Variants in SULF2 observed in about 807,000 individuals in gnomAD.
The protein encoded by SULF2 is sulfatase 2.
SULF2 carries 52 observed loss-of-function variants against 107.7 expected under a neutral mutation model. That is an observed-to-expected ratio of 0.48 (90% confidence interval 0.39 to 0.61). The LOEUF is 0.61. Among genes scored for constraint, SULF2 ranks in the 20% least tolerant of loss-of-function variants. The pLI is 0.00. For synonymous variants in SULF2, 460 were observed against 464.3 expected (o/e 0.99, Z 0.12); for missense variants, 993 against 1,177.3 (o/e 0.84, Z 2.29).
chr20:47,780,968 C>T (rs1294478454), intron 1 of SULF2, among the ~76,000 whole-genome samples: 3 of 152,252 alleles, frequency 2.0e-5, no homozygotes, highest in Admixed American at 6.5e-5. Context: ...ATACACATGA[C>T]ATATTGGTCA....
At chr20:47,682,940 G>A in intron 7 of SULF2, 54 bp downstream of exon 7, 1 of 1,516,008 alleles carries the variant, frequency 6.6e-7, no homozygotes, top group African/African-American at 1.4e-5. Context: ...CATGGTTGAA[G>A]CCCTGAGCTG....
At position 47,670,636 on chromosome 20, in the gene SULF2, G is replaced by C. The variant is rs546895238; in HGVS notation, c.1576+1562C>G. 7.3e-5 allele frequency among the ~76,000 whole-genome samples: 8 copies of C among 109,448 alleles called. No individual in the cohort carries two copies. The East Asian group carries it at 2.2e-3, about 30-fold the overall frequency. The allele number at this position is 109,448 out of a possible 152,430, so 71.8% of individuals were successfully genotyped here. ...AAGCAGTCAAGCTCATAGAGAAGAAGAGTGGTTGCTGAGAACGGGTGGGAG... is the reference window on the plus strand; with the variant it reads ...AAGCAGTCAAGCTCATAGAGAAGAACAGTGGTTGCTGAGAACGGGTGGGAG... On this transcript the variant is annotated intron_variant, in intron 11 of 20. Transcript: ENST00000688720.
chr20:47,678,483 G>C lies in SULF2; in HGVS notation c.1193+193C>G, dbSNP rs1463758911. 2.7e-5 allele frequency: 20 copies of C among 743,464 alleles called. 1 individual carries two copies. The South Asian group carries it at 3.5e-4, about 13-fold the overall frequency. 46.1% of individuals were successfully genotyped at this position (743,464 alleles called of 1,614,324 possible). On this transcript the variant is annotated intron_variant, in intron 8 of 20. Transcript: ENST00000688720. This position sits in a 1 kb window ranked among gnomAD's most constrained non-coding sequence, Gnocchi z 4.5. ...AACTGGTCACCTTGGCCACATTCCA[G>C]ATGGGAAGACAGAATCTCGGAGAGG...
chr20:47,739,548 T>G (rs1250620244), intron 2 of SULF2, among the ~76,000 whole-genome samples: 1 of 152,128 alleles, frequency 6.6e-6, no homozygotes, highest in East Asian at 1.9e-4. Context: ...GACACCACCT[T>G]CTTGGAGAGG....
intron 2 of SULF2, among the ~76,000 whole-genome samples, chr20:47,737,974 C>T (rs978014564): frequency 2.0e-5 from 3 of 151,958 alleles, no homozygotes; most frequent in Non-Finnish European, 4.4e-5. Flanking sequence ...GAATTTCTGA[C>T]CTCAAGTGAT....
chr20:47,726,187 TTTTG>T, intron 3 of SULF2, among the ~76,000 whole-genome samples: 1 of 152,216 alleles, frequency 6.6e-6, no homozygotes, highest in Admixed American at 6.5e-5. Flanking sequence ...TCCCAAAAGA[TTTTG>T]TTTGATTAGG....
chr20:47,665,433 G>A, intron 13 of SULF2, 140 bp from the exon 14 acceptor site: 1 of 682,112 alleles, frequency 1.5e-6, no homozygotes, highest in Non-Finnish European at 2.6e-6. Flanking sequence ...GCAAGCACCG[G>A]CATGTCTGGG....
At chr20:47,785,730 G>C (rs1434750512), upstream of SULF2, 5 of 147,556 alleles carry the variant, frequency 3.4e-5, no homozygotes, top group South Asian at 2.1e-4. Flanking sequence ...GGCGCGCTCC[G>C]GGGCGGGGAG....
intron 1 of SULF2, among the ~76,000 whole-genome samples, chr20:47,762,891 C>T (rs1022930974): frequency 4.6e-5 from 7 of 152,234 alleles, no homozygotes; most frequent in Non-Finnish European, 8.8e-5. Context: ...CAGAGAATAA[C>T]AGGAGCTAAT....
Position 47,678,823 on chromosome 20 carries a change from C to A in SULF2, c.1065-19G>T. 1 of 1,610,700 alleles carries A rather than the reference C, an allele frequency of 6.2e-7. No individual in the cohort carries two copies. The highest frequency in any genetic ancestry group is 1.1e-5 in the South Asian group (1 of 90,932). On this transcript the variant is annotated intron_variant, in intron 7 of 20. Coordinates refer to ENST00000688720, the MANE Select transcript of SULF2 (RefSeq NM_001387048.1). The surrounding 1 kb of genome is among the most constrained non-coding windows in gnomAD (Gnocchi z 4.5). ...GGGATTCCTGGGGGAGGCAGGAGATCGGGGACTCAGTCACTCAGGTGGTGG... is the reference window on the plus strand; with the variant it reads ...GGGATTCCTGGGGGAGGCAGGAGATAGGGGACTCAGTCACTCAGGTGGTGG...
intron 3 of SULF2, among the ~76,000 whole-genome samples, chr20:47,736,478 A>C (rs2089732916): frequency 6.6e-6 from 1 of 152,140 alleles, no homozygotes; most frequent in Non-Finnish European, 1.5e-5. Flanking sequence ...TTTTTGGGGG[A>C]CTCAAATTCC....
At chr20:47,732,995 T>TA (rs2089649338) in intron 3 of SULF2, among the ~76,000 whole-genome samples, 2 of 152,246 alleles carry the variant, frequency 1.3e-5, no homozygotes, top group South Asian at 4.1e-4. Context: ...TGCTTAAACT[T>TA]AGCTTCTCTC....
At chr20:47,786,040 A>ACACT, upstream of SULF2, 7 of 152,118 alleles carry the variant, frequency 4.6e-5, no homozygotes, top group African/African-American at 1.4e-4. Context: ...ACACAGACGC[A>ACACT]CACTCACTCG....
intron 2 of SULF2, among the ~76,000 whole-genome samples, chr20:47,737,678 G>T (rs2146792434): frequency 6.6e-6 from 1 of 151,680 alleles, no homozygotes; most frequent in East Asian, 1.9e-4. Context: ...CAGTCTTGCA[G>T]CATGTGTCCT....
At chr20:47,750,944 T>C (rs2090145911) in intron 2 of SULF2, among the ~76,000 whole-genome samples, 3 of 152,236 alleles carry the variant, frequency 2.0e-5, no homozygotes, top group African/African-American at 7.2e-5. Context: ...GACCACCCTA[T>C]AGAAAATCCC....
At chr20:47,756,122 C>T (rs551392354) in intron 2 of SULF2, among the ~76,000 whole-genome samples, 4 of 152,260 alleles carry the variant, frequency 2.6e-5, no homozygotes, top group South Asian at 2.1e-4. Context: ...GCCGAAACAG[C>T]GTCGGGGCTA....
chr20:47,699,055 G>A (rs2088477467), intron 4 of SULF2, among the ~76,000 whole-genome samples: 1 of 152,116 alleles, frequency 6.6e-6, no homozygotes, highest in Non-Finnish European at 1.5e-5. Flanking sequence ...AAACTGAGAT[G>A]ACTGTAATAA....
intron 10 of SULF2, among the ~76,000 whole-genome samples, chr20:47,675,314 G>A (rs993407547): frequency 5.3e-5 from 8 of 152,158 alleles, no homozygotes; most frequent in African/African-American, 1.7e-4. Flanking sequence ...GAGCATGTTC[G>A]AGGCTGTGGC....
chr20:47,758,162 CTTTT>C (rs373618271), intron 1 of SULF2, among the ~76,000 whole-genome samples: 22 of 122,450 alleles, frequency 1.8e-4, no homozygotes, highest in South Asian at 2.8e-4. Flanking sequence ...AAAAGTATTC[CTTTT>C]TTTTTTTTTT....
Sources: gnomAD v4.1 joint callset for allele counts (sites outside exome capture counted in the v4.1 genomes callset) on GRCh38, gnomAD v4.1.1 for gene constraint, Gnocchi (gnomAD v3.1) non-coding constraint, MANE v1.5 for transcripts, NCBI Gene and HGNC (gene_info 2026-07-23, HGNC 2026-07-21) for gene names.